Variants in NOL4L observed in about 807,000 individuals in gnomAD.
NOL4L encodes nucleolar protein 4-like.
Under a neutral mutation model 64.5 loss-of-function variants are expected in NOL4L, and 7 were observed. That is an observed-to-expected ratio of 0.11 (90% CI 0.06 to 0.20). NOL4L has a LOEUF of 0.20. NOL4L is among the 10% of genes least tolerant of loss of function. The pLI is 1.00. For missense variants in NOL4L, 680 were observed against 967.1 expected, an observed-to-expected ratio of 0.70 and a Z score of 3.94; for synonymous variants, 413 against 401.0, an observed-to-expected ratio of 1.03 and a Z score of -0.36.
rs146426828 is a variant in NOL4L at position 32,565,981 on chromosome 20, G to C, written c.321+18589C>G. On this transcript the variant is annotated intron_variant, in intron 1 of 10. Coordinates refer to ENST00000621426, the MANE Select transcript of NOL4L (RefSeq NM_001256798.2). ...GTGGGATGCTTGAGCCCAGGTCAAG[G>C]CTGCAGTGAGCTGTGATCGCACCAC... Among the ~76,000 whole-genome samples the C allele has an allele frequency of 3.7e-3, 568 of 152,284 alleles. 5 individuals are homozygous for C. The highest frequency in any genetic ancestry group is 0.013 in the African/African-American group (545 of 41,544).
chr20:32,511,489 G>A (rs1422376830), intron 3 of NOL4L, 33 bp from the exon 4 acceptor site: 1 of 1,464,876 alleles, frequency 6.8e-7, no homozygotes, highest in Non-Finnish European at 9.4e-7. Flanking sequence ...AGCCCTTTCA[G>A]TCTGTGCTGC....
At chr20:32,509,199 T>G (rs893565382) in intron 4 of NOL4L, among the ~76,000 whole-genome samples, 1 of 152,110 alleles carries the variant, frequency 6.6e-6, no homozygotes, top group African/African-American at 2.4e-5. Flanking sequence ...GGCATTTGTG[T>G]GGGATCCTCT....
At chr20:32,567,575 G>A (rs756248647) in intron 1 of NOL4L, among the ~76,000 whole-genome samples, 1 of 152,234 alleles carries the variant, frequency 6.6e-6, no homozygotes, top group Non-Finnish European at 1.5e-5. Flanking sequence ...CACAGAGGGA[G>A]GAAACTGCCT....
intron 1 of NOL4L, among the ~76,000 whole-genome samples, chr20:32,560,364 A>G (rs1222516697): frequency 6.6e-6 from 1 of 152,226 alleles, no homozygotes; most frequent in Non-Finnish European, 1.5e-5. Context: ...TGTAGTCAAG[A>G]GGAAACTGAG....
intron 6 of NOL4L, among the ~76,000 whole-genome samples, chr20:32,454,800 C>T (rs1385010691): frequency 6.6e-6 from 1 of 152,240 alleles, no homozygotes; most frequent in East Asian, 1.9e-4. Context: ...GCGGTATGGT[C>T]AGACCCTGTG....
chr20:32,513,042 C>T (rs1216914082), intron 3 of NOL4L, among the ~76,000 whole-genome samples: 1 of 152,182 alleles, frequency 6.6e-6, no homozygotes, highest in Non-Finnish European at 1.5e-5. Context: ...CCTCCTCCTC[C>T]TTCTTCCAAG....
In NOL4L at chr20:32,445,287, C is replaced by G. The variant is rs964891217; in HGVS notation, c.*2309G>C. 1.3e-5 allele frequency: 2 copies of G among 152,224 alleles called. No homozygotes were observed. The highest frequency in any genetic ancestry group is 2.9e-5 in the Non-Finnish European group (2 of 68,044). The allele number at this position is 152,224 out of a possible 1,614,324, so 9.4% of individuals were successfully genotyped here. A position where few individuals can be genotyped will look rare whatever the true frequency, so the allele number is the denominator to read the frequency against. On this transcript the variant is annotated 3_prime_UTR_variant, in exon 11 of 11. Transcript: ENST00000621426. ...CTGTAGCTTATGCTGATCTTTAGAT[C>G]TAATCCTTGTGTGGGTAGGGGGAGG... is the stretch of plus-strand genomic sequence containing the variant.
At chr20:32,574,786 G>C (rs1172063103) in intron 1 of NOL4L, among the ~76,000 whole-genome samples, 4 of 139,278 alleles carry the variant, frequency 2.9e-5, no homozygotes. Context: ...CGAGGCCTAA[G>C]TCACGGGGTC....
chr20:32,511,293 C>T (rs749189915), intron 4 of NOL4L, 54 bp downstream of exon 4: 32 of 1,162,946 alleles, frequency 2.8e-5, no homozygotes, highest in Non-Finnish European at 3.3e-5. Flanking sequence ...AATCAACCAC[C>T]GCCAGGCAAG....
At chr20:32,551,340 C>T (rs186775914) in intron 1 of NOL4L, among the ~76,000 whole-genome samples, 209 of 152,148 alleles carry the variant, frequency 1.4e-3, no homozygotes, top group Middle Eastern at 3.4e-3. Context: ...CATGCCACTG[C>T]ACTCCAGCCT....
intron 1 of NOL4L, among the ~76,000 whole-genome samples, chr20:32,568,717 C>T (rs914384780): frequency 1.3e-5 from 2 of 152,210 alleles, no homozygotes; most frequent in Non-Finnish European, 2.9e-5. Context: ...CCCAACATGG[C>T]CAGAGAAAGT....
intron 1 of NOL4L, among the ~76,000 whole-genome samples, chr20:32,530,427 G>T (rs888229749): frequency 1.6e-4 from 24 of 152,122 alleles, no homozygotes; most frequent in Non-Finnish European, 3.2e-4. Flanking sequence ...TGTAGTCCCG[G>T]CTACTCGGGA....
chr20:32,571,346 C>A (rs1979735294), intron 1 of NOL4L, among the ~76,000 whole-genome samples: 1 of 152,154 alleles, frequency 6.6e-6, no homozygotes, highest in Non-Finnish European at 1.5e-5. Flanking sequence ...TGCCACAACG[C>A]CTGGCTAATT....
At position 32,511,336 on chromosome 20, in the gene NOL4L, G is replaced by A. The variant is rs564989280; in HGVS notation, c.699+11C>T. On this transcript the variant is annotated intron_variant, in intron 4 of 10. Coordinates refer to ENST00000621426, the MANE Select transcript of NOL4L (RefSeq NM_001256798.2). ...GCCTCCAGGTGGGGTGAGGGGAGAC[G>A]GCCGCCTTACCTGCTCCTGGGAATT... 50 of 1,537,344 alleles carry A rather than the reference G, an allele frequency of 3.3e-5. No homozygotes were observed. The highest frequency in any genetic ancestry group is 1.3e-4 in the South Asian group (11 of 83,686).
chr20:32,456,171 C>T lies in NOL4L; in HGVS notation c.1066G>A (p.Gly356Ser), dbSNP rs758055534. The T allele has an allele frequency of 2.6e-5, 42 of 1,590,272 alleles. No individual in the cohort carries two copies. Among genetic ancestry groups the T allele is most frequent in the Non-Finnish European group, 3.3e-5 (38 of 1,167,386 alleles). ...ACGCGGCTCCGCAGCCCGTCGGCAC[C>T]GCAGCCATCCGAGGGGTAGGAGGCT... ...GTASYPSDGC[G>S]ADGLRSRVKY... Residue 356 changes from glycine (G) to serine (S), a missense_variant, in exon 6 of 11, where the codon GGT becomes AGT. Around this residue, in one of 4 missense-constraint regions of NOL4L, gnomAD observed 254 missense variants for 238.7 expected, o/e 1.06. Coordinates refer to ENST00000621426, the MANE Select transcript of NOL4L (RefSeq NM_001256798.2).
chr20:32,534,817 G>C (rs1223965795), intron 1 of NOL4L, among the ~76,000 whole-genome samples: 1 of 151,438 alleles, frequency 6.6e-6, no homozygotes, highest in Non-Finnish European at 1.5e-5. Context: ...GGGAGGTGTA[G>C]GCTGCAGTGA....
chr20:32,484,315 GC>G (rs1489520618), intron 4 of NOL4L, among the ~76,000 whole-genome samples: 1 of 140,846 alleles, frequency 7.1e-6, no homozygotes, highest in Non-Finnish European at 1.6e-5. Flanking sequence ...CCGTACCCCC[GC>G]CCCACCCCCA....
chr20:32,579,693 G>T (rs1378359681), intron 1 of NOL4L, among the ~76,000 whole-genome samples: 1 of 152,154 alleles, frequency 6.6e-6, no homozygotes, highest in African/African-American at 2.4e-5. Context: ...CCCCAGGAAG[G>T]CAGAGCCTGA....
chr20:32,535,571 A>T (rs754656123), intron 1 of NOL4L: 5 of 984,758 alleles, frequency 5.1e-6, no homozygotes, highest in Non-Finnish European at 6.0e-6. Flanking sequence ...GCTTCGCTGA[A>T]CCTCCATCTT....
Sources: gnomAD v4.1 joint callset for allele counts (sites outside exome capture counted in the v4.1 genomes callset) on GRCh38, gnomAD v4.1.1 for gene constraint, gnomAD v4.1.1 regional missense constraint, MANE v1.5 for transcripts, NCBI Gene and HGNC (gene_info 2026-07-23, HGNC 2026-07-21) for gene names.